Variants in TMTC1 observed in about 807,000 individuals in gnomAD.
The protein encoded by TMTC1 is protein O-mannosyl-transferase TMTC1.
A neutral mutation model predicts 104.8 loss-of-function variants in TMTC1; 73 were observed. That is an observed-to-expected ratio of 0.70 (90% CI 0.58 to 0.85). The LOEUF (loss-of-function observed/expected upper bound fraction) is 0.85. TMTC1 is among the 40% of genes least tolerant of loss of function. The probability of loss-of-function intolerance (pLI) is 0.00; values close to 1 mark genes in which losing one functional copy is unlikely to be tolerated. For synonymous variants in TMTC1, 434 were observed against 428.7 expected (o/e 1.01, Z -0.15); for missense variants, 1,035 against 1,096.1 (o/e 0.94, Z 0.79).
intron 5 of TMTC1, chr12:29,641,229 A>G (rs1357044831): frequency 6.6e-6 from 1 of 152,250 alleles, no homozygotes; most frequent in East Asian, 1.9e-4. Flanking sequence ...GTCCCTCCCT[A>G]TACTAGCACA....
intron 5 of TMTC1, among the ~76,000 whole-genome samples, chr12:29,697,472 A>G (rs1941458456): frequency 6.6e-6 from 1 of 152,212 alleles, no homozygotes; most frequent in Non-Finnish European, 1.5e-5. Context: ...TTTTCAAATC[A>G]TCTAGTCTAT....
intron 5 of TMTC1, among the ~76,000 whole-genome samples, chr12:29,653,352 C>T (rs57698573): frequency 0.017 from 2,644 of 151,916 alleles, 69 homozygotes; most frequent in African/African-American, 0.059. Flanking sequence ...GCATGAATTC[C>T]GGCGAATAAT....
intron 6 of TMTC1, 73 bp downstream of exon 6, chr12:29,633,074 A>G: frequency 7.2e-7 from 1 of 1,385,978 alleles, no homozygotes; most frequent in Non-Finnish European, 9.9e-7. Flanking sequence ...GACCATCCGC[A>G]CTAAAAAGAA....
intron 11 of TMTC1, among the ~76,000 whole-genome samples, chr12:29,527,985 G>T: frequency 6.6e-6 from 1 of 152,052 alleles, no homozygotes; most frequent in East Asian, 1.9e-4. Flanking sequence ...AGGTCTTTAA[G>T]ATCTGTCTTT....
rs114688443 is a variant in TMTC1, at chr12:29,535,957, T to C, written c.1785+252A>G. On this transcript the variant is annotated intron_variant, in intron 11 of 17. Coordinates refer to ENST00000539277, the MANE Select transcript of TMTC1 (RefSeq NM_001193451.2). The stretch of plus-strand genomic sequence containing the variant: ...AATATCATGTATTGTTCTTGATAGA[T>C]TCTGTACCAAAGTGAGAGAGAATAT... 2.5e-3 allele frequency: 1,165 copies of C among 460,608 alleles called. 8 individuals carry two copies. The highest frequency in any genetic ancestry group is 0.022 in the African/African-American group (1,074 of 48,976). The allele number at this position is 460,608 out of a possible 1,614,324, so 28.5% of individuals were successfully genotyped here. A position where few individuals can be genotyped will look rare whatever the true frequency, so the allele number is the denominator to read the frequency against.
At chr12:29,754,497 A>T (rs1229494473) in intron 4 of TMTC1, among the ~76,000 whole-genome samples, 1 of 152,186 alleles carries the variant, frequency 6.6e-6, no homozygotes, top group Non-Finnish European at 1.5e-5. Flanking sequence ...GAGGCATAGC[A>T]GAAAGACATT....
intron 16 of TMTC1, among the ~76,000 whole-genome samples, chr12:29,512,503 G>T: frequency 6.6e-6 from 1 of 152,268 alleles, no homozygotes; most frequent in East Asian, 1.9e-4. Flanking sequence ...CAGAATTTTG[G>T]AGTAGTCTTC....
intron 10 of TMTC1, among the ~76,000 whole-genome samples, chr12:29,555,486 C>A (rs139519183): frequency 6.6e-6 from 1 of 151,876 alleles, no homozygotes; most frequent in Non-Finnish European, 1.5e-5. Flanking sequence ...CCCCCTACCC[C>A]CCGACAGGCC....
chr12:29,604,374 C>T, intron 6 of TMTC1, 75 bp from the exon 7 acceptor site: 1 of 1,585,296 alleles, frequency 6.3e-7, no homozygotes, highest in South Asian at 1.1e-5. Flanking sequence ...CCATCTCCTT[C>T]ACTTTCAGGT....
At chr12:29,655,415 A>AT (rs1939711715) in intron 5 of TMTC1, among the ~76,000 whole-genome samples, 1 of 152,118 alleles carries the variant, frequency 6.6e-6, no homozygotes, top group African/African-American at 2.4e-5. Flanking sequence ...TTTAAGTTTT[A>AT]TTTTTTCCAC....
intron 10 of TMTC1, among the ~76,000 whole-genome samples, chr12:29,552,436 C>G (rs12422557): frequency 6.6e-6 from 1 of 152,004 alleles, no homozygotes; most frequent in African/African-American, 2.4e-5. Context: ...GTTTTAAAAT[C>G]TGGCTACCTA....
At chr12:29,643,699 A>AT (rs374051698) in intron 5 of TMTC1, among the ~76,000 whole-genome samples, 1 of 68 alleles carries the variant, frequency 0.015, no homozygotes, top group Non-Finnish European at 0.025. Flanking sequence ...TATTATATAT[A>AT]TTATATATTA....
At chr12:29,528,950 T>C (rs1288989451) in intron 11 of TMTC1, among the ~76,000 whole-genome samples, 3 of 152,172 alleles carry the variant, frequency 2.0e-5, no homozygotes, top group African/African-American at 7.2e-5. Context: ...TTAGTTTATA[T>C]TTTTGTAAAT....
intron 10 of TMTC1, 22 bp downstream of exon 10, chr12:29,556,835 C>G (rs185561254): frequency 6.2e-7 from 1 of 1,612,688 alleles, no homozygotes. Context: ...GCCACCTGAT[C>G]GATGGTAAAC....
intron 6 of TMTC1, among the ~76,000 whole-genome samples, chr12:29,625,884 T>C (rs1937962972): frequency 6.6e-6 from 1 of 152,248 alleles, no homozygotes; most frequent in Non-Finnish European, 1.5e-5. Flanking sequence ...TATGTGCTCC[T>C]GCAGATCAGT....
chr12:29,689,513 C>T (rs892337644), intron 5 of TMTC1, among the ~76,000 whole-genome samples: 4 of 152,096 alleles, frequency 2.6e-5, no homozygotes, highest in Admixed American at 1.3e-4. Context: ...GGGGGTTTCA[C>T]CATGTTGGCC....
chr12:29,703,882 TTAGTGA>T (rs1941670005), intron 5 of TMTC1, among the ~76,000 whole-genome samples: 2 of 152,226 alleles, frequency 1.3e-5, no homozygotes, highest in Admixed American at 1.3e-4. Flanking sequence ...CTGGCTTTAC[TTAGTGA>T]TATGGTTTGG....
intron 10 of TMTC1, 56 bp downstream of exon 10, chr12:29,556,801 G>A (rs1565668739): frequency 6.2e-7 from 1 of 1,607,424 alleles, no homozygotes. Context: ...TGTTGAGAAG[G>A]AAAGAGTTTC....
chr12:29,544,850 C>T (rs1346023366), intron 10 of TMTC1, among the ~76,000 whole-genome samples: 1 of 152,106 alleles, frequency 6.6e-6, no homozygotes, highest in Non-Finnish European at 1.5e-5. Flanking sequence ...ATGCGTGTTC[C>T]TGGGTTTAGG....
Sources: allele counts gnomAD v4.1 joint callset (sites outside exome capture counted in the v4.1 genomes callset), GRCh38; gene constraint gnomAD v4.1.1; transcripts MANE v1.5; gene names NCBI Gene and HGNC (gene_info 2026-07-23, HGNC 2026-07-21).